The following PUM2 variants were observed in gnomAD, a reference collection of about 807,000 sequenced individuals.
The protein encoded by PUM2 is pumilio RNA binding family member 2, also known as pumilio homolog 2.
A neutral mutation model predicts 124.5 loss-of-function variants in PUM2; 57 were observed. The ratio of observed to expected loss-of-function variants is 0.46; its 90% CI spans 0.37 to 0.57. PUM2 has a LOEUF of 0.57. Among genes scored for constraint, PUM2 ranks in the 20% least tolerant of loss-of-function variants. The pLI, the probability that PUM2 is intolerant of heterozygous loss-of-function variation, is 0.00. For missense variants in PUM2, 1,065 were observed against 1,290.6 expected, an observed-to-expected ratio of 0.83 and a Z score of 2.68; for synonymous variants, 460 against 446.1, an observed-to-expected ratio of 1.03 and a Z score of -0.39.
In PUM2 at chr2:20,263,370, A is replaced by G; in HGVS notation, c.2048T>C (p.Phe683Ser). The change falls in exon 14 of 21, where the codon TTT becomes TCT. Residue 683 changes from phenylalanine (F) to serine (S), a missense_variant. This residue lies in a region of PUM2 where 968 missense variants were observed against 1,159.8 expected (regional missense o/e 0.83). Transcript: ENST00000361078. Reference protein sequence around the residue: ...YRSASSTSSLFSSSSQLFPPS... With the variant: ...YRSASSTSSLSSSSSQLFPPS... ...AGGAAAGAGCTGGCTGCTGGAGCTA[A>G]ATAGACTGGAAGTGCTTGAAGCACT... The G allele has an allele frequency of 6.2e-7, 1 of 1,614,202 alleles. No individual in the cohort carries two copies. Among genetic ancestry groups the G allele is most frequent in the Non-Finnish European group, 8.5e-7 (1 of 1,179,996 alleles).
At chr2:20,252,960 C>T (rs1663808454) in intron 20 of PUM2, among the ~76,000 whole-genome samples, 1 of 152,092 alleles carries the variant, frequency 6.6e-6, no homozygotes, top group Non-Finnish European at 1.5e-5. Context: ...TATTAGGTAT[C>T]GTTAAGTAAT....
At chr2:20,281,888 T>A (rs865936496) in intron 12 of PUM2, among the ~76,000 whole-genome samples, 2 of 152,172 alleles carry the variant, frequency 1.3e-5, no homozygotes, top group African/African-American at 4.8e-5. Context: ...TATATATGAA[T>A]GATAAAAGTT....
intron 13 of PUM2, among the ~76,000 whole-genome samples, chr2:20,276,241 A>G (rs1291607864): frequency 1.4e-5 from 2 of 143,664 alleles, no homozygotes; most frequent in Non-Finnish European, 3.0e-5. Flanking sequence ...TTATAAGCCT[A>G]TCTTAAAAAA....
chr2:20,309,083 T>C (rs1679015700), intron 5 of PUM2, among the ~76,000 whole-genome samples: 3 of 152,292 alleles, frequency 2.0e-5, no homozygotes, highest in East Asian at 1.9e-4. Flanking sequence ...GAGATCATAA[T>C]GGTCTTCATT....
intron 13 of PUM2, among the ~76,000 whole-genome samples, chr2:20,267,690 A>G (rs550646115): frequency 2.6e-5 from 4 of 152,324 alleles, no homozygotes; most frequent in South Asian, 2.1e-4. Context: ...GATCAGTACT[A>G]TAATTCCACA....
In PUM2 at chr2:20,283,497, T is replaced by C. The variant is rs760621581; in HGVS notation, c.1292-11A>G. ...CTAGTACTTGATAGCCTAAATAAAA[T>C]AAAGGTTTACTAATGAAAGCACTTA... On this transcript the variant is annotated splice_polypyrimidine_tract_variant and intron_variant, in intron 10 of 20. Coordinates refer to ENST00000361078, the MANE Select transcript of PUM2 (RefSeq NM_015317.5). The C allele has an allele frequency of 4.4e-6, 7 of 1,593,708 alleles. No individual in the cohort carries two copies. The highest frequency in any genetic ancestry group is 6.0e-6 in the Non-Finnish European group (7 of 1,170,404).
chr2:20,298,450 A>G (rs745356370), intron 7 of PUM2, among the ~76,000 whole-genome samples: 17 of 152,218 alleles, frequency 1.1e-4, no homozygotes, highest in Admixed American at 5.2e-4. Flanking sequence ...AAGACCTAAA[A>G]ATATACATTT....
At chr2:20,314,663 G>A (rs1680444924) in intron 3 of PUM2, among the ~76,000 whole-genome samples, 1 of 152,142 alleles carries the variant, frequency 6.6e-6, no homozygotes, top group African/African-American at 2.4e-5. Flanking sequence ...TGATGGCCAG[G>A]TTTGTTAAAC....
intron 1 of PUM2, among the ~76,000 whole-genome samples, chr2:20,341,955 G>A (rs1308235281): frequency 6.6e-6 from 1 of 151,806 alleles, no homozygotes; most frequent in Non-Finnish European, 1.5e-5. Flanking sequence ...CATGGTGAAA[G>A]GCCGTCTCTA....
upstream of PUM2, chr2:20,350,899 C>A (rs987421278): frequency 1.7e-4 from 100 of 588,818 alleles, no homozygotes; most frequent in Non-Finnish European, 2.0e-4. Context: ...GGAGGGGGAG[C>A]GCTCACCAAG....
rs553640089 is a variant in PUM2 at position 20,268,604 on chromosome 2, C to T, written c.1958-5144G>A. On this transcript the variant is annotated intron_variant, in intron 13 of 20. Coordinates refer to ENST00000361078, the MANE Select transcript of PUM2 (RefSeq NM_015317.5). ...CTGCACTCTAGCTTGGGCAATAGAG[C>T]AAGACCCTGTCTAAACAAACAAAAC... Among the ~76,000 whole-genome samples the T allele has an allele frequency of 2.6e-5, 4 of 152,032 alleles. No homozygotes were observed. In the East Asian group the frequency reaches 7.7e-4, roughly 29 times the overall value.
At chr2:20,275,440 C>A (rs1272089643) in intron 13 of PUM2, among the ~76,000 whole-genome samples, 1 of 151,970 alleles carries the variant, frequency 6.6e-6, no homozygotes, top group Non-Finnish European at 1.5e-5. Flanking sequence ...AACCTTACAA[C>A]TGATGAGGGA....
chr2:20,278,740 G>T lies in PUM2; in HGVS notation c.1800C>A (p.Ser600Arg). 6.2e-7 allele frequency: 1 copy of T among 1,613,592 alleles called. No homozygotes were observed. The highest frequency in any genetic ancestry group is 8.5e-7 in the Non-Finnish European group (1 of 1,179,720). ...ATGGTTGCCCTATGGGTGCTAGGCTGCTACTAGATCTTTTGTACAAGTCAG... is the reference window on the plus strand; with the variant it reads ...ATGGTTGCCCTATGGGTGCTAGGCTTCTACTAGATCTTTTGTACAAGTCAG... ...TSSDLYKRSS[S>R]SLAPIGQPFY... The change falls in exon 13 of 21, where the codon AGC (serine) becomes AGA (arginine). Residue 600 changes from serine to arginine, a missense_variant. Around this residue, in one of 3 missense-constraint regions of PUM2, gnomAD observed 968 missense variants for 1,159.8 expected, o/e 0.83. Transcript: ENST00000361078.
intron 17 of PUM2, among the ~76,000 whole-genome samples, chr2:20,255,724 C>T (rs1419746407): frequency 3.3e-5 from 5 of 152,152 alleles, no homozygotes; most frequent in Non-Finnish European, 7.4e-5. Context: ...TTATGTCTTT[C>T]TCCAAACCTC....
intron 1 of PUM2, among the ~76,000 whole-genome samples, chr2:20,340,825 A>G (rs946047358): frequency 6.6e-6 from 1 of 152,178 alleles, no homozygotes; most frequent in African/African-American, 2.4e-5. Context: ...GACCAAGAAT[A>G]CAGTTCCAGG....
rs1023360294 is a variant in PUM2 at position 20,302,863 on chromosome 2, G to T, written c.883+5115C>A. On this transcript the variant is annotated intron_variant, in intron 7 of 20. Coordinates refer to ENST00000361078, the MANE Select transcript of PUM2 (RefSeq NM_015317.5). ...TAAGATAACAAAACTGGCTGAAATC[G>T]GTTAAAACCAATATGGACTGCAGTC... is the stretch of plus-strand genomic sequence containing the variant. Among the ~76,000 whole-genome samples, 3 of 152,124 alleles carry T rather than the reference G, an allele frequency of 2.0e-5. No individual in the cohort carries two copies. In the East Asian group the frequency reaches 5.8e-4, roughly 29 times the overall value.
chr2:20,337,335 G>C (rs941091094), intron 1 of PUM2, among the ~76,000 whole-genome samples: 4 of 152,144 alleles, frequency 2.6e-5, no homozygotes, highest in African/African-American at 9.7e-5. Flanking sequence ...GTCCTCATCA[G>C]TAAAAGCATT....
At chr2:20,285,591 T>C (rs1672542548) in intron 10 of PUM2, among the ~76,000 whole-genome samples, 1 of 152,130 alleles carries the variant, frequency 6.6e-6, no homozygotes, top group South Asian at 2.1e-4. Flanking sequence ...AGCATGATAT[T>C]TTTTCCCACT....
chr2:20,333,330 T>C (rs1466959852), intron 1 of PUM2, among the ~76,000 whole-genome samples: 1 of 151,876 alleles, frequency 6.6e-6, no homozygotes, highest in African/African-American at 2.4e-5. Context: ...AGGCCAGGAA[T>C]TCAAGACCAT....
Sources: gnomAD v4.1 joint callset for allele counts (sites outside exome capture counted in the v4.1 genomes callset) on GRCh38, gnomAD v4.1.1 for gene constraint, gnomAD v4.1.1 regional missense constraint, MANE v1.5 for transcripts, NCBI Gene and HGNC (gene_info 2026-07-23, HGNC 2026-07-21) for gene names.